The following UBXN2A variants were observed in gnomAD, a reference collection of about 807,000 sequenced individuals.
The protein encoded by UBXN2A is UBX domain protein 2A.
In UBXN2A, 28 loss-of-function variants were observed where a neutral mutation model predicts 28.4. The observed-to-expected ratio is 0.99, with a 90% confidence interval of 0.73 to 1.35. UBXN2A has a LOEUF of 1.35. UBXN2A is among the 40% of genes most tolerant of loss of function. The pLI is 0.00. For synonymous variants in UBXN2A, 97 were observed against 103.6 expected, an observed-to-expected ratio of 0.94 and a Z score of 0.39; for missense variants, 253 against 297.9, an observed-to-expected ratio of 0.85 and a Z score of 1.11.
intron 2 of UBXN2A, among the ~76,000 whole-genome samples, chr2:23,963,860 G>T (rs770541982): frequency 6.6e-6 from 1 of 152,136 alleles, no homozygotes; most frequent in Non-Finnish European, 1.5e-5. Flanking sequence ...TGGGTGCCGT[G>T]GCTCACATCT....
chr2:23,986,671 G>A (rs1292763125), intron 6 of UBXN2A, among the ~76,000 whole-genome samples: 2 of 149,942 alleles, frequency 1.3e-5, no homozygotes, highest in South Asian at 2.1e-4. Flanking sequence ...GCAGTGGCAC[G>A]ATCTCAGCTC....
chr2:23,963,692 G>A (rs907331422), intron 2 of UBXN2A, among the ~76,000 whole-genome samples: 4 of 152,092 alleles, frequency 2.6e-5, no homozygotes, highest in Admixed American at 2.0e-4. Context: ...GAACACTGTT[G>A]ATGGGGATGC....
At chr2:23,986,545 C>T (rs1708140446) in intron 6 of UBXN2A, among the ~76,000 whole-genome samples, 1 of 150,910 alleles carries the variant, frequency 6.6e-6, no homozygotes, top group Admixed American at 6.6e-5. Flanking sequence ...ATATGAATTC[C>T]ACCACTCAGA....
intron 2 of UBXN2A, among the ~76,000 whole-genome samples, chr2:23,962,248 C>T: frequency 6.6e-6 from 1 of 152,184 alleles, no homozygotes; most frequent in East Asian, 1.9e-4. Context: ...GCAAATCTTT[C>T]ACCCATATGA....
At chr2:23,957,274 T>C (rs72798406) in intron 1 of UBXN2A, among the ~76,000 whole-genome samples, 28,274 of 151,770 alleles carry the variant, frequency 0.19, 2,727 homozygotes, top group Middle Eastern at 0.26. Context: ...CCTGAGTAGC[T>C]GGAACCACAG....
chr2:23,948,001 C>T (rs1340129936), intron 1 of UBXN2A, among the ~76,000 whole-genome samples: 2 of 150,234 alleles, frequency 1.3e-5, no homozygotes, highest in Admixed American at 1.3e-4. Flanking sequence ...ATTACAGGTG[C>T]CCACCACCAT....
At chr2:23,949,720 CA>C (rs1706270279) in intron 1 of UBXN2A, among the ~76,000 whole-genome samples, 1 of 149,756 alleles carries the variant, frequency 6.7e-6, no homozygotes, top group Non-Finnish European at 1.5e-5. Flanking sequence ...ACTAAAAATA[CA>C]AAAATTAGCC....
At chr2:23,990,227 T>G (rs1369764797) in intron 6 of UBXN2A, among the ~76,000 whole-genome samples, 1 of 151,728 alleles carries the variant, frequency 6.6e-6, no homozygotes, top group Non-Finnish European at 1.5e-5. Flanking sequence ...TCTATGCCAG[T>G]GACCTCCTCT....
At position 24,002,188 on chromosome 2, in the gene UBXN2A, T is replaced by TGA; in HGVS notation, c.*2323_*2324dup. On this transcript the variant is annotated 3_prime_UTR_variant, in exon 7 of 7. Coordinates refer to ENST00000309033, the MANE Select transcript of UBXN2A (RefSeq NM_181713.4). ...GGGACACTAAAGCGGGCAGATCACC[T>TGA]GAGGTCAGGAGTTCGAGACCAGCCT... 6.6e-6 allele frequency: 1 copy of TGA among 152,192 alleles called. No individual in the cohort carries two copies. Among genetic ancestry groups the TGA allele is most frequent in the East Asian group, 2.0e-4 (1 of 5,110 alleles). 9.4% of individuals were successfully genotyped at this position (152,192 alleles called of 1,614,324 possible).
At chr2:23,952,483 C>T (rs561692652) in intron 1 of UBXN2A, among the ~76,000 whole-genome samples, 4 of 152,014 alleles carry the variant, frequency 2.6e-5, no homozygotes, top group African/African-American at 7.2e-5. Context: ...CTTTCCCTGT[C>T]GCCCAGGCTG....
chr2:23,945,919 C>G (rs1187822794), intron 1 of UBXN2A, among the ~76,000 whole-genome samples: 1 of 151,678 alleles, frequency 6.6e-6, no homozygotes, highest in Non-Finnish European at 1.5e-5. Context: ...CAACCTCTGC[C>G]TCCCAGGTTC....
chr2:23,973,905 C>T (rs1332717985), intron 3 of UBXN2A, among the ~76,000 whole-genome samples: 1 of 152,170 alleles, frequency 6.6e-6, no homozygotes, highest in Non-Finnish European at 1.5e-5. Context: ...GCTGGGATTA[C>T]AGGCATGAGC....
chr2:23,936,545 C>CAA (rs558126613), upstream of UBXN2A, among the ~76,000 whole-genome samples: 1,700 of 133,180 alleles, frequency 0.013, 17 homozygotes, highest in Middle Eastern at 0.042. Flanking sequence ...AATCCTACCT[C>CAA]AAAAAAAAAA....
At position 23,995,215 on chromosome 2, in the gene UBXN2A, C is replaced by CT. The variant is rs894941593; in HGVS notation, c.585-4447dup. Among the ~76,000 whole-genome samples the CT allele has an allele frequency of 7.6e-4, 113 of 148,784 alleles. 1 individual carries two copies. The highest frequency in any genetic ancestry group is 1.9e-3 in the South Asian group (9 of 4,644). ...GTCTCTCCTTGGTGTAGTGAAATGG[C>CT]TTTTTTTTTTCCCTCTAATTCACTG... On this transcript the variant is annotated intron_variant, in intron 6 of 6. Coordinates refer to ENST00000309033, the MANE Select transcript of UBXN2A (RefSeq NM_181713.4).
upstream of UBXN2A, among the ~76,000 whole-genome samples, chr2:23,936,258 T>C (rs1302342219): frequency 6.6e-6 from 1 of 152,170 alleles, no homozygotes; most frequent in East Asian, 1.9e-4. Context: ...CAATGGAATC[T>C]TATTCAACCA....
intron 4 of UBXN2A, among the ~76,000 whole-genome samples, chr2:23,979,200 C>T (rs1392360431): frequency 2.6e-5 from 4 of 151,596 alleles, no homozygotes; most frequent in East Asian, 2.0e-4. Context: ...AAAAATTAGC[C>T]GGGCATGGTA....
intron 1 of UBXN2A, among the ~76,000 whole-genome samples, chr2:23,956,178 A>T (rs1265479271): frequency 6.7e-5 from 3 of 44,716 alleles, no homozygotes; most frequent in African/African-American, 1.7e-4. Flanking sequence ...CTTTTTTATT[A>T]AAAAAAAAAA....
At chr2:23,929,002 G>A (rs1286056572) in intron 1 of UBXN2A, among the ~76,000 whole-genome samples, 1 of 152,176 alleles carries the variant, frequency 6.6e-6, no homozygotes, top group Admixed American at 6.5e-5. Flanking sequence ...GAAAGAGGCT[G>A]GTTTGGGCCA....
intron 6 of UBXN2A, among the ~76,000 whole-genome samples, chr2:23,986,598 A>T (rs77171271): frequency 1.4e-3 from 204 of 150,836 alleles, no homozygotes; most frequent in Non-Finnish European, 2.4e-3. Context: ...CCAGTCTTTT[A>T]TCTCTTCCTA....
Sources: allele counts gnomAD v4.1 joint callset (sites outside exome capture counted in the v4.1 genomes callset), GRCh38; gene constraint gnomAD v4.1.1; transcripts MANE v1.5; gene names NCBI Gene and HGNC (gene_info 2026-07-23, HGNC 2026-07-21).